The following DMD variants were observed in gnomAD, a reference collection of about 807,000 sequenced individuals.
DMD encodes mutant dystrophin.
DMD carries 63 observed loss-of-function variants against 330.1 expected under a neutral mutation model. The ratio of observed to expected loss-of-function variants is 0.19; its 90% CI spans 0.16 to 0.24. The LOEUF (loss-of-function observed/expected upper bound fraction) is 0.24. Among genes scored for constraint, DMD ranks in the 10% least tolerant of loss-of-function variants. DMD has a pLI of 1.00. For synonymous variants in DMD, 1,223 were observed against 959.8 expected (o/e 1.27, Z -5.07); for missense variants, 3,344 against 2,684.1 (o/e 1.25, Z -5.43).
chrX:32,394,643 A>T (rs1011892021), intron 30 of DMD, among the ~76,000 whole-genome samples: 1 of 110,943 alleles, frequency 9.0e-6, no homozygotes, highest in African/African-American at 3.3e-5. Flanking sequence ...TGAGGATGAG[A>T]GGAGAGAATC....
intron 44 of DMD, among the ~76,000 whole-genome samples, chrX:31,974,713 G>A (rs1180696851): frequency 9.1e-6 from 1 of 110,167 alleles, no homozygotes; most frequent in Non-Finnish European, 1.9e-5. Context: ...GATAATGGTT[G>A]CTATAAAAGA....
At chrX:32,656,958 ATG>A (rs1249989465) in intron 9 of DMD, among the ~76,000 whole-genome samples, 1 of 111,129 alleles carries the variant, frequency 9.0e-6, no homozygotes, top group Non-Finnish European at 1.9e-5. Flanking sequence ...CATATTTCAT[ATG>A]TGTTTATACA....
At chrX:33,193,921 A>G (rs1412216410) in intron 1 of DMD, among the ~76,000 whole-genome samples, 11 of 111,009 alleles carry the variant, frequency 9.9e-5, no homozygotes, top group African/African-American at 3.6e-4. Context: ...TAGTACAAGG[A>G]AATATTCAAA....
intron 44 of DMD, among the ~76,000 whole-genome samples, chrX:32,061,116 C>A (rs1177523528): frequency 9.0e-6 from 1 of 111,133 alleles, no homozygotes; most frequent in Non-Finnish European, 1.9e-5. Context: ...TCAATGAGAA[C>A]CATAACCCCA....
intron 62 of DMD, among the ~76,000 whole-genome samples, chrX:31,268,735 A>G (rs1459329266): frequency 8.9e-6 from 1 of 112,504 alleles, no homozygotes; most frequent in Non-Finnish European, 1.9e-5. Context: ...GTTTATTTCA[A>G]CGAAAAGACA....
chrX:31,586,417 G>A (rs2076611714), intron 55 of DMD, among the ~76,000 whole-genome samples: 1 of 112,611 alleles, frequency 8.9e-6, no homozygotes, highest in Admixed American at 9.4e-5. Flanking sequence ...CCATGTGCTA[G>A]TTTGAGAGGC....
At position 32,098,375 on chromosome X, in the gene DMD, C is replaced by T. The variant is rs774517395; in HGVS notation, c.6438+118541G>A. On this transcript the variant is annotated intron_variant, in intron 44 of 78. Coordinates refer to ENST00000357033, the MANE Select transcript of DMD (RefSeq NM_004006.3). The stretch of plus-strand genomic sequence containing the variant: ...AAAGTTTGTCCTACCTTGGATTTTA[C>T]TGATTATAAAATGAAAGCACAAATG... Among the ~76,000 whole-genome samples, 7 of 111,788 alleles carry T rather than the reference C, an allele frequency of 6.3e-5. No homozygotes were observed. In the East Asian group the frequency reaches 2.0e-3, roughly 31 times the overall value.
At chrX:33,216,004 G>C (rs1000139789), upstream of DMD, among the ~76,000 whole-genome samples, 1 of 111,250 alleles carries the variant, frequency 9.0e-6, no homozygotes, top group African/African-American at 3.3e-5. Context: ...TGGCTCTATG[G>C]GCTCTTTTGG....
At chrX:32,162,186 AAAAG>A (rs1867233505) in intron 44 of DMD, among the ~76,000 whole-genome samples, 1 of 111,547 alleles carries the variant, frequency 9.0e-6, no homozygotes, top group South Asian at 3.8e-4. Context: ...ATAATAATAA[AAAAG>A]AAAGAAGGAA....
intron 7 of DMD, chrX:32,755,064 A>G (rs2071330275): frequency 9.0e-6 from 1 of 111,113 alleles, no homozygotes; most frequent in Non-Finnish European, 1.9e-5. Context: ...TGACTGTAAA[A>G]CACTATTTCC....
chrX:31,709,612 GT>G (rs2084475684), intron 52 of DMD, among the ~76,000 whole-genome samples: 1 of 108,543 alleles, frequency 9.2e-6, no homozygotes, highest in African/African-American at 3.4e-5. Flanking sequence ...GTGTGTGTGT[GT>G]GTGGTGTGTC....
At chrX:33,058,582 C>T (rs139157607) in intron 1 of DMD, among the ~76,000 whole-genome samples, 5,429 of 110,525 alleles carry the variant, frequency 0.049, 109 homozygotes, top group Non-Finnish European at 0.055. Context: ...GGATTACAGG[C>T]ATGATCCACT....
chrX:32,244,321 T>C (rs113818958), intron 43 of DMD, among the ~76,000 whole-genome samples: 8,152 of 98,136 alleles, frequency 0.083, 436 homozygotes, highest in Admixed American at 0.13. Flanking sequence ...TAGTATTCCA[T>C]GGTGTATATG....
chrX:31,734,226 A>T (rs2646301), intron 51 of DMD, among the ~76,000 whole-genome samples: 31,055 of 107,963 alleles, frequency 0.29, 3,454 homozygotes, highest in Admixed American at 0.38. Context: ...ATATATATAT[A>T]TTTTTTTTCT....
At chrX:31,327,428 A>G (rs972139803) in intron 61 of DMD, among the ~76,000 whole-genome samples, 1 of 112,366 alleles carries the variant, frequency 8.9e-6, no homozygotes, top group African/African-American at 3.2e-5. Context: ...TTTTAAATGC[A>G]TGATGAACAG....
At chrX:31,364,640 A>C (rs2059132841) in intron 60 of DMD, among the ~76,000 whole-genome samples, 1 of 112,372 alleles carries the variant, frequency 8.9e-6, no homozygotes, top group African/African-American at 3.2e-5. Flanking sequence ...AACGTATTTA[A>C]GTTGCTCAAG....
intron 2 of DMD, among the ~76,000 whole-genome samples, chrX:32,938,068 C>T (rs767261135): frequency 3.6e-5 from 4 of 111,112 alleles, no homozygotes; most frequent in African/African-American, 6.5e-5. Context: ...GGAAATAGAA[C>T]GCAGATATCA....
chrX:32,969,027 C>CCAAAAAAAAAAAAAAAAAAA (rs2092280100), intron 2 of DMD, among the ~76,000 whole-genome samples: 2 of 19,813 alleles, frequency 1.0e-4, no homozygotes, highest in African/African-American at 3.1e-4. Context: ...GATTCTGTCT[C>CCAAAAAAAAAAAAAAAAAAA]AAAAAAAAAA....
intron 13 of DMD, among the ~76,000 whole-genome samples, chrX:32,575,316 G>A (rs769038816): frequency 6.3e-5 from 7 of 111,979 alleles, no homozygotes; most frequent in Non-Finnish European, 1.3e-4. Context: ...TTTTCCTACA[G>A]TATTAACATA....
Sources: gnomAD v4.1 joint callset for allele counts (sites outside exome capture counted in the v4.1 genomes callset) on GRCh38, gnomAD v4.1.1 for gene constraint, MANE v1.5 for transcripts, NCBI Gene and HGNC (gene_info 2026-07-23, HGNC 2026-07-21) for gene names.